Variants in BMERB1 observed in about 807,000 individuals in gnomAD.
BMERB1 encodes the protein bMERB domain containing 1, also known as bMERB domain-containing protein 1.
Under a neutral mutation model 23.6 loss-of-function variants are expected in BMERB1, and 12 were observed. That is an observed-to-expected ratio of 0.51 (90% CI 0.33 to 0.82). The LOEUF (loss-of-function observed/expected upper bound fraction) is 0.82. Among genes scored for constraint, BMERB1 ranks in the 40% least tolerant of loss-of-function variants. The pLI, the probability that BMERB1 is intolerant of heterozygous loss-of-function variation, is 0.03. For synonymous variants in BMERB1, 122 were observed against 96.6 expected (o/e 1.26, Z -1.54); for missense variants, 247 against 255.4 (o/e 0.97, Z 0.22).
intron 3 of BMERB1, among the ~76,000 whole-genome samples, chr16:15,578,194 CCTGTGTGTGT>C (rs2030919157): frequency 1.3e-5 from 2 of 151,926 alleles, no homozygotes; most frequent in African/African-American, 4.8e-5. Context: ...TTCACGTGAC[CCTGTGTGTGT>C]CTGTGTGTCT....
chr16:15,495,118 A>T (rs1411505767), intron 1 of BMERB1, among the ~76,000 whole-genome samples: 2 of 151,772 alleles, frequency 1.3e-5, no homozygotes, highest in African/African-American at 4.8e-5. Flanking sequence ...TCCTGACCTC[A>T]AGTGATCCGC....
intron 1 of BMERB1, among the ~76,000 whole-genome samples, chr16:15,512,012 C>CAAAAAAAAAAAA (rs57021793): frequency 8.2e-5 from 5 of 61,130 alleles, no homozygotes; most frequent in East Asian, 7.2e-4. Context: ...GACTTGCTCT[C>CAAAAAAAAAAAA]AAAAAAAAAA....
chr16:15,469,703 A>G (rs956510133), intron 1 of BMERB1, among the ~76,000 whole-genome samples: 71 of 152,260 alleles, frequency 4.7e-4, no homozygotes, highest in African/African-American at 1.7e-3. Flanking sequence ...TCCTCTACAT[A>G]TTTTGATAAA....
chr16:15,495,284 C>T (rs1032460659), intron 1 of BMERB1, among the ~76,000 whole-genome samples: 1 of 152,028 alleles, frequency 6.6e-6, no homozygotes, highest in Non-Finnish European at 1.5e-5. Flanking sequence ...TGATCTCCAC[C>T]TCCTGGGTTC....
At chr16:15,545,681 A>T (rs1203423428) in intron 2 of BMERB1, among the ~76,000 whole-genome samples, 2 of 152,138 alleles carry the variant, frequency 1.3e-5, no homozygotes, top group Non-Finnish European at 1.5e-5. Context: ...GCACAAGTCT[A>T]ATCCCTCCAT....
chr16:15,459,892 T>C (rs534229835), intron 1 of BMERB1, among the ~76,000 whole-genome samples: 1 of 152,322 alleles, frequency 6.6e-6, no homozygotes, highest in African/African-American at 2.4e-5. Flanking sequence ...ACATCTGAGC[T>C]TCTGGTCTTT....
At chr16:15,580,989 C>T (rs2030999818) in intron 3 of BMERB1, among the ~76,000 whole-genome samples, 1 of 152,030 alleles carries the variant, frequency 6.6e-6, no homozygotes, top group African/African-American at 2.4e-5. Flanking sequence ...CTCCGCCTCC[C>T]AGGTTCAAGC....
intron 2 of BMERB1, among the ~76,000 whole-genome samples, chr16:15,528,645 C>T (rs1020059708): frequency 6.6e-6 from 1 of 151,838 alleles, no homozygotes; most frequent in Admixed American, 6.6e-5. Context: ...CAGGTCCCCT[C>T]CTGCCGTGGG....
intron 2 of BMERB1, among the ~76,000 whole-genome samples, chr16:15,535,022 T>C (rs1001244295): frequency 3.9e-5 from 6 of 152,218 alleles, no homozygotes; most frequent in African/African-American, 1.2e-4. Context: ...CTTGAGTGGA[T>C]TTCTGTTCCT....
intron 2 of BMERB1, among the ~76,000 whole-genome samples, chr16:15,537,545 G>A (rs1426329750): frequency 1.3e-5 from 2 of 151,692 alleles, no homozygotes; most frequent in Non-Finnish European, 2.9e-5. Context: ...GTAGAGGCGG[G>A]GTTTCACCAT....
At chr16:15,517,776 G>T (rs943057039) in intron 2 of BMERB1, among the ~76,000 whole-genome samples, 2 of 148,948 alleles carry the variant, frequency 1.3e-5, no homozygotes, top group South Asian at 4.2e-4. Flanking sequence ...GGATGTGTGT[G>T]GATGTGGATG....
At chr16:15,560,952 C>CTTTTTTTTTTTTTTTTT (rs1166759122) in intron 2 of BMERB1, among the ~76,000 whole-genome samples, 1 of 106,640 alleles carries the variant, frequency 9.4e-6, no homozygotes, top group African/African-American at 4.1e-5. Flanking sequence ...TTCTCTGCTG[C>CTTTTTTTTTTTTTTTTT]TTTTTTTTTT....
chr16:15,532,653 C>G (rs1333517988), intron 2 of BMERB1, among the ~76,000 whole-genome samples: 1 of 149,740 alleles, frequency 6.7e-6, no homozygotes, highest in East Asian at 2.0e-4. Context: ...TCACGCCATT[C>G]GCCTGCCTCA....
At chr16:15,502,291 C>G in intron 1 of BMERB1, 1 of 1,551,270 alleles carries the variant, frequency 6.4e-7, no homozygotes, top group Non-Finnish European at 8.7e-7. Flanking sequence ...GGATGTGAAG[C>G]CTGTCAGTTT....
At chr16:15,555,960 A>G (rs752773425) in intron 2 of BMERB1, among the ~76,000 whole-genome samples, 15 of 151,880 alleles carry the variant, frequency 9.9e-5, no homozygotes, top group Non-Finnish European at 1.9e-4. Context: ...CGGGTGGATC[A>G]CCTGAGGTCA....
intron 4 of BMERB1, 89 bp from the exon 5 acceptor site, chr16:15,583,067 G>C: frequency 1.0e-6 from 1 of 991,892 alleles, no homozygotes; most frequent in East Asian, 2.4e-5. Flanking sequence ...AAAGCCTGTT[G>C]CTTAACCTAT....
chr16:15,581,414 G>A, intron 4 of BMERB1, 83 bp downstream of exon 4: 1 of 1,143,284 alleles, frequency 8.7e-7, no homozygotes, highest in South Asian at 1.5e-5. Context: ...TCTGCTCCTG[G>A]GACTCACAGC....
chr16:15,534,390 T>C (rs1662081380), intron 2 of BMERB1, among the ~76,000 whole-genome samples: 1 of 149,134 alleles, frequency 6.7e-6, no homozygotes, highest in Non-Finnish European at 1.5e-5. Context: ...CTGTCTCTAC[T>C]AAGAAATACA....
intron 3 of BMERB1, among the ~76,000 whole-genome samples, chr16:15,577,802 G>T (rs568328569): frequency 6.6e-6 from 1 of 152,364 alleles, no homozygotes; most frequent in Admixed American, 6.5e-5. Context: ...GATTATTTGA[G>T]ATGTTTTTCC....
Sources: allele counts gnomAD v4.1 joint callset (sites outside exome capture counted in the v4.1 genomes callset), GRCh38; gene constraint gnomAD v4.1.1; transcripts MANE v1.5; gene names NCBI Gene and HGNC (gene_info 2026-07-23, HGNC 2026-07-21).